VPS26C: variants seen among roughly 807,000 people sequenced by gnomAD.
VPS26C encodes VPS26 endosomal protein sorting factor C.
Under a neutral mutation model 30.6 loss-of-function variants are expected in VPS26C, and 19 were observed. That is an observed-to-expected ratio of 0.62 (90% CI 0.43 to 0.91). VPS26C has a LOEUF of 0.91. VPS26C is among the 40% of genes least tolerant of loss of function. The pLI, the probability that VPS26C is intolerant of heterozygous loss-of-function variation, is 0.00. For missense variants in VPS26C, 318 were observed against 385.1 expected (o/e 0.83, Z 1.46); for synonymous variants, 132 against 151.5 (o/e 0.87, Z 0.95).
chr21:37,253,998 G>T (rs910568988), intron 1 of VPS26C, among the ~76,000 whole-genome samples: 1 of 152,130 alleles, frequency 6.6e-6, no homozygotes, highest in Non-Finnish European at 1.5e-5. Flanking sequence ...CATTCGTTTG[G>T]AACTACTGGC....
intron 1 of VPS26C, among the ~76,000 whole-genome samples, chr21:37,263,141 A>AT (rs1032203567): frequency 4.6e-5 from 7 of 151,910 alleles, no homozygotes; most frequent in African/African-American, 1.5e-4. Flanking sequence ...GTCAGTGAGT[A>AT]TTTTTTCTTA....
chr21:37,243,640 C>G (rs1056285865), intron 1 of VPS26C, among the ~76,000 whole-genome samples: 5 of 152,216 alleles, frequency 3.3e-5, no homozygotes, highest in African/African-American at 1.2e-4. Context: ...CCGTCCTCCC[C>G]TTCTCTGGGT....
rs778542605 is a variant in VPS26C, at chr21:37,238,544, T to C, written c.267A>G (p.Thr89=). The change falls in exon 3 of 8, where the codon ACA becomes ACG. Residue 89 remains threonine (T), a synonymous_variant. Transcript: ENST00000309117. ...GCAGAGGAAATTCAAAAGGGATTTC[T>C]GTTTTGCCGCTGGGAAATTTCCCCG... ...VKPGKFPSGK[T]EIPFEFPLHL... is the part of the protein sequence containing the mutation. The C allele has an allele frequency of 6.2e-7, 1 of 1,614,258 alleles. No homozygotes were observed. Among genetic ancestry groups the C allele is most frequent in the Non-Finnish European group, 8.5e-7 (1 of 1,180,052 alleles).
rs111699218 is a variant in VPS26C at position 37,264,359 on chromosome 21, G to A, written c.57+2879C>T. On this transcript the variant is annotated intron_variant, in intron 1 of 7. Transcript: ENST00000309117. ...CAGGAGATGTAGTCTAAGGGACAGA[G>A]CTGACTCTGTCTTCAACTCTGTGAC... Among the ~76,000 whole-genome samples the A allele has an allele frequency of 8.4e-3, 1,284 of 152,294 alleles. 11 individuals are homozygous for A. The highest frequency in any genetic ancestry group is 0.03 in the African/African-American group (1,233 of 41,564).
chr21:37,228,195 G>T, intron 6 of VPS26C, 28 bp downstream of exon 6: 1 of 1,603,184 alleles, frequency 6.2e-7, no homozygotes, highest in South Asian at 1.1e-5. Flanking sequence ...GGACAGGCAA[G>T]CGCCAGGCCT....
At chr21:37,267,515 G>T, upstream of VPS26C, 1 of 579,324 alleles carries the variant, frequency 1.7e-6, no homozygotes, top group Admixed American at 3.3e-5. Flanking sequence ...GGGCCGAAGC[G>T]CTGTCACGGT....
At chr21:37,263,547 A>T (rs3787802) in intron 1 of VPS26C, among the ~76,000 whole-genome samples, 96,993 of 152,028 alleles carry the variant, frequency 0.64, 31,438 homozygotes, top group East Asian at 0.76. Flanking sequence ...TGTCTAAGCC[A>T]CCATTTCCTC....
At chr21:37,234,882 A>G (rs8131172) in intron 3 of VPS26C, among the ~76,000 whole-genome samples, 120,121 of 151,938 alleles carry the variant, frequency 0.79, 47,904 homozygotes, top group East Asian at 0.99. Flanking sequence ...TCACTCTGTC[A>G]CCCAGGCTGA....
chr21:37,262,755 C>G (rs2086318011), intron 1 of VPS26C, among the ~76,000 whole-genome samples: 1 of 151,630 alleles, frequency 6.6e-6, no homozygotes, highest in African/African-American at 2.4e-5. Context: ...TTACCTTCTT[C>G]TGTAGCACGT....
At chr21:37,266,395 T>C (rs1407372541) in intron 1 of VPS26C, among the ~76,000 whole-genome samples, 2 of 152,204 alleles carry the variant, frequency 1.3e-5, no homozygotes, top group Non-Finnish European at 2.9e-5. Context: ...CTGCGATCAA[T>C]TTTATTCCAA....
Position 37,225,530 on chromosome 21 carries a change from T to A in VPS26C, c.*14A>T. On this transcript the variant is annotated 3_prime_UTR_variant, in exon 8 of 8. Transcript: ENST00000309117. ...AGATGGCCACTCCCGTTCTCTATGC[T>A]TCCCTCCTCCGGGCTATATCCTGCA... 1 of 1,612,754 alleles carries A rather than the reference T, an allele frequency of 6.2e-7. No individual in the cohort carries two copies. The highest frequency in any genetic ancestry group is 8.5e-7 in the Non-Finnish European group (1 of 1,178,750).
chr21:37,249,130 G>C (rs1171360497), intron 1 of VPS26C, among the ~76,000 whole-genome samples: 2 of 152,124 alleles, frequency 1.3e-5, no homozygotes, highest in African/African-American at 4.8e-5. Context: ...AACTTAATGA[G>C]AAAACAAGAT....
At chr21:37,252,785 G>A (rs574447096) in intron 1 of VPS26C, among the ~76,000 whole-genome samples, 1 of 152,286 alleles carries the variant, frequency 6.6e-6, no homozygotes, top group East Asian at 1.9e-4. Flanking sequence ...GGATGAATCC[G>A]AACGAAATGC....
At chr21:37,238,381 C>T in intron 3 of VPS26C, 79 bp downstream of exon 3, 1 of 1,524,408 alleles carries the variant, frequency 6.6e-7, no homozygotes, top group Non-Finnish European at 8.9e-7. Context: ...GGCCCGTCTA[C>T]TAACGTTGAG....
intron 5 of VPS26C, 24 bp downstream of exon 5, chr21:37,232,353 A>G: frequency 1.2e-6 from 2 of 1,609,714 alleles, no homozygotes; most frequent in South Asian, 2.2e-5. Flanking sequence ...TACCCACGGC[A>G]TTCGCCTGTG....
chr21:37,252,389 C>T (rs2086202772), intron 1 of VPS26C, among the ~76,000 whole-genome samples: 1 of 152,168 alleles, frequency 6.6e-6, no homozygotes, highest in African/African-American at 2.4e-5. Flanking sequence ...AAACAATCCT[C>T]AGATAGTTCT....
At chr21:37,236,811 T>A (rs777029386) in intron 3 of VPS26C, among the ~76,000 whole-genome samples, 1 of 152,204 alleles carries the variant, frequency 6.6e-6, no homozygotes, top group African/African-American at 2.4e-5. Flanking sequence ...TGGTAAAATC[T>A]GATGATGAAA....
upstream of VPS26C, chr21:37,267,716 G>C (rs969161120): frequency 4.1e-6 from 1 of 242,516 alleles, no homozygotes; most frequent in Non-Finnish European, 8.2e-6. Context: ...GCGCAGGAAG[G>C]ATGACGCTCC....
intron 1 of VPS26C, among the ~76,000 whole-genome samples, chr21:37,243,664 C>T (rs1021074160): frequency 6.6e-6 from 1 of 152,200 alleles, no homozygotes; most frequent in Non-Finnish European, 1.5e-5. Flanking sequence ...GCTCATCTCT[C>T]GAAACTACCT....
Sources: gnomAD v4.1 joint callset for allele counts (sites outside exome capture counted in the v4.1 genomes callset) on GRCh38, gnomAD v4.1.1 for gene constraint, MANE v1.5 for transcripts, NCBI Gene and HGNC (gene_info 2026-07-23, HGNC 2026-07-21) for gene names.